The following PPM1H variants were observed in gnomAD, a reference collection of about 807,000 sequenced individuals.
PPM1H encodes protein phosphatase, Mg2+/Mn2+ dependent 1H, also known as protein phosphatase 1H.
PPM1H carries 27 observed loss-of-function variants against 54.9 expected under a neutral mutation model. The observed-to-expected ratio is 0.49, with a 90% CI of 0.36 to 0.68. PPM1H has a LOEUF of 0.68. Among genes scored for constraint, PPM1H ranks in the 30% least tolerant of loss-of-function variants. The pLI, the probability that PPM1H is intolerant of heterozygous loss-of-function variation, is 0.00. For synonymous variants in PPM1H, 305 were observed against 270.8 expected, an observed-to-expected ratio of 1.13 and a Z score of -1.24; for missense variants, 596 against 667.8, an observed-to-expected ratio of 0.89 and a Z score of 1.19.
At chr12:62,814,041 A>T (rs1433843597) in intron 2 of PPM1H, among the ~76,000 whole-genome samples, 1 of 152,218 alleles carries the variant, frequency 6.6e-6, no homozygotes, top group Admixed American at 6.5e-5. Flanking sequence ...AGTAGGTTAT[A>T]TATCAATAAA....
intron 2 of PPM1H, among the ~76,000 whole-genome samples, chr12:62,823,624 A>G (rs1226861331): frequency 1.3e-5 from 2 of 152,200 alleles, no homozygotes; most frequent in African/African-American, 4.8e-5. Context: ...AATCCATCAC[A>G]TAAACAGAAC....
At chr12:62,896,121 T>C (rs376794838) in intron 1 of PPM1H, among the ~76,000 whole-genome samples, 50 of 152,336 alleles carry the variant, frequency 3.3e-4, no homozygotes, top group African/African-American at 1.2e-3. Flanking sequence ...ATTCAGATGA[T>C]GTGAATACCG....
At chr12:62,742,995 G>C (rs1018919631) in intron 4 of PPM1H, among the ~76,000 whole-genome samples, 5 of 152,182 alleles carry the variant, frequency 3.3e-5, no homozygotes, top group Admixed American at 2.0e-4. Flanking sequence ...AAGGTTTAGG[G>C]TGTTCTTATG....
intron 4 of PPM1H, among the ~76,000 whole-genome samples, chr12:62,756,939 G>A (rs991327756): frequency 4.6e-5 from 7 of 152,054 alleles, no homozygotes; most frequent in African/African-American, 1.7e-4. Flanking sequence ...CATCTCCAAG[G>A]GCTCAAAGGG....
chr12:62,802,794 G>A (rs2076779342), intron 2 of PPM1H, among the ~76,000 whole-genome samples: 1 of 152,010 alleles, frequency 6.6e-6, no homozygotes, highest in South Asian at 2.1e-4. Flanking sequence ...ATGTTGCCCA[G>A]GCTGGTCTCA....
At chr12:62,692,514 C>T (rs939665133) in intron 7 of PPM1H, among the ~76,000 whole-genome samples, 1 of 152,006 alleles carries the variant, frequency 6.6e-6, no homozygotes, top group Non-Finnish European at 1.5e-5. Flanking sequence ...TGTCAGGTAC[C>T]AGGCTAGACA....
At chr12:62,851,098 G>A (rs1210213257) in intron 1 of PPM1H, among the ~76,000 whole-genome samples, 1 of 152,152 alleles carries the variant, frequency 6.6e-6, no homozygotes, top group Non-Finnish European at 1.5e-5. Context: ...CTAGGACTGT[G>A]AGCATTCTAA....
chr12:62,913,844 G>A (rs181720920), intron 1 of PPM1H, among the ~76,000 whole-genome samples: 1 of 151,962 alleles, frequency 6.6e-6, no homozygotes, highest in Non-Finnish European at 1.5e-5. Flanking sequence ...GGGATTATAC[G>A]CATGCGCCAC....
At chr12:62,854,647 T>C (rs1039710530) in intron 1 of PPM1H, among the ~76,000 whole-genome samples, 27 of 152,302 alleles carry the variant, frequency 1.8e-4, no homozygotes, top group African/African-American at 6.3e-4. Context: ...AGCACACTTA[T>C]TTTTTAGGTA....
chr12:62,739,232 T>A (rs2076368312), intron 4 of PPM1H, among the ~76,000 whole-genome samples: 1 of 152,174 alleles, frequency 6.6e-6, no homozygotes, highest in Non-Finnish European at 1.5e-5. Flanking sequence ...CAGGAGCCAC[T>A]TGTCAAATGC....
intron 6 of PPM1H, among the ~76,000 whole-genome samples, chr12:62,705,148 CCTAA>C (rs1365122802): frequency 6.6e-6 from 1 of 152,132 alleles, no homozygotes; most frequent in Non-Finnish European, 1.5e-5. Flanking sequence ...CAATATTTAC[CCTAA>C]CTATGTGATA....
At chr12:62,920,733 C>T (rs1280742882) in intron 1 of PPM1H, among the ~76,000 whole-genome samples, 1 of 151,956 alleles carries the variant, frequency 6.6e-6, no homozygotes, top group African/African-American at 2.4e-5. Context: ...TATTCATAGT[C>T]ACTGTACCTT....
At chr12:62,751,587 C>T (rs1038715302) in intron 4 of PPM1H, among the ~76,000 whole-genome samples, 1 of 152,190 alleles carries the variant, frequency 6.6e-6, no homozygotes, top group Admixed American at 6.5e-5. Flanking sequence ...GACGAAAGCT[C>T]ATGGATCTCC....
chr12:62,829,289 A>T (rs906164890), intron 2 of PPM1H, among the ~76,000 whole-genome samples: 1 of 152,218 alleles, frequency 6.6e-6, no homozygotes, highest in African/African-American at 2.4e-5. Context: ...GATTCTACTT[A>T]TGTGAGGTAC....
intron 2 of PPM1H, among the ~76,000 whole-genome samples, chr12:62,812,411 A>G (rs2076841329): frequency 6.6e-6 from 1 of 152,142 alleles, no homozygotes; most frequent in Non-Finnish European, 1.5e-5. Flanking sequence ...TGTGTACTCC[A>G]CTTGAAGAAA....
intron 1 of PPM1H, among the ~76,000 whole-genome samples, chr12:62,911,649 G>A (rs1367009281): frequency 6.6e-6 from 1 of 152,182 alleles, no homozygotes; most frequent in Non-Finnish European, 1.5e-5. Context: ...GCTGATTCCT[G>A]CTAATCACTC....
chr12:62,675,213 G>A (rs186469274), intron 8 of PPM1H, among the ~76,000 whole-genome samples: 2 of 152,310 alleles, frequency 1.3e-5, no homozygotes, highest in African/African-American at 4.8e-5. Flanking sequence ...GGGTAGATAC[G>A]ATATAACAGA....
At chr12:62,874,678 G>A (rs907583341) in intron 1 of PPM1H, among the ~76,000 whole-genome samples, 2 of 152,120 alleles carry the variant, frequency 1.3e-5, no homozygotes, top group Non-Finnish European at 2.9e-5. Context: ...ATTTTTCCCT[G>A]CTTAGGAAAG....
intron 6 of PPM1H, among the ~76,000 whole-genome samples, chr12:62,715,120 A>T (rs2076227932): frequency 6.6e-6 from 1 of 152,220 alleles, no homozygotes; most frequent in African/African-American, 2.4e-5. Flanking sequence ...TGCTGTTTCA[A>T]CTCGGTAACA....
Sources: gnomAD v4.1 joint callset for allele counts (sites outside exome capture counted in the v4.1 genomes callset) on GRCh38, gnomAD v4.1.1 for gene constraint, MANE v1.5 for transcripts, NCBI Gene and HGNC (gene_info 2026-07-23, HGNC 2026-07-21) for gene names.